The following VWA3B variants were observed in gnomAD, a reference collection of about 807,000 sequenced individuals.
The protein encoded by VWA3B is von Willebrand factor A domain containing 3B, also known as von Willebrand factor A domain-containing protein 3B.
Under a neutral mutation model 158.3 loss-of-function variants are expected in VWA3B, and 138 were observed. That is an observed-to-expected ratio of 0.87 (90% CI 0.76 to 1.00). VWA3B has a LOEUF of 1.00. VWA3B is among the 50% of genes least tolerant of loss of function. VWA3B has a pLI of 0.00. For missense variants in VWA3B, 1,555 were observed against 1,565.1 expected, an observed-to-expected ratio of 0.99 and a Z score of 0.11; for synonymous variants, 596 against 587.3, an observed-to-expected ratio of 1.01 and a Z score of -0.21.
intron 21 of VWA3B, among the ~76,000 whole-genome samples, chr2:98,256,956 G>A (rs892259343): frequency 6.6e-6 from 1 of 152,066 alleles, no homozygotes; most frequent in Non-Finnish European, 1.5e-5. Flanking sequence ...AACATTTCAA[G>A]TTGTCTCTTT....
At chr2:98,267,464 A>G (rs1359063901) in intron 21 of VWA3B, among the ~76,000 whole-genome samples, 3 of 152,168 alleles carry the variant, frequency 2.0e-5, no homozygotes, top group Non-Finnish European at 4.4e-5. Flanking sequence ...AAATGAAGGC[A>G]GAAATAAAGA....
At position 98,290,516 on chromosome 2, in the gene VWA3B, G is replaced by T; in HGVS notation, c.3051G>T (p.Gln1017His). The T allele has an allele frequency of 6.3e-7, 1 of 1,574,958 alleles. No individual in the cohort carries two copies. Among genetic ancestry groups the T allele is most frequent in the Non-Finnish European group, 8.6e-7 (1 of 1,168,738 alleles). ...TTCTGCTTTGTCTTTTTCAGCAACA[G>T]AAATTGCAAGGAAATCCAACAAAGA... ...NYANKAPGEQ[Q>H]KLQGNPTKKT... is the part of the protein sequence containing the mutation. The change falls in exon 23 of 28, where the codon CAG (glutamine) becomes CAT (histidine). Residue 1017 changes from glutamine to histidine, a missense_variant. By Grantham distance (24) the Gln-to-His change is conservative. Coordinates refer to ENST00000477737, the MANE Select transcript of VWA3B (RefSeq NM_144992.5).
At chr2:98,215,461 A>C (rs185542961) in intron 13 of VWA3B, among the ~76,000 whole-genome samples, 1 of 151,906 alleles carries the variant, frequency 6.6e-6, no homozygotes, top group African/African-American at 2.4e-5. Context: ...CAAAAAACAA[A>C]AAACAAAAAA....
chr2:98,255,182 ATTTTTTTTTTT>A lies in VWA3B; in HGVS notation c.2793-923_2793-913del, dbSNP rs769708577. Among the ~76,000 whole-genome samples the A allele has an allele frequency of 6.7e-4, 35 of 52,164 alleles. No homozygotes were observed. The East Asian group carries it at 0.02, about 30-fold the overall frequency. The allele number at this position is 52,164 out of a possible 152,430, so 34.2% of individuals were successfully genotyped here. ...TCGCCCGCCACCACGCCCGGCTGAT[ATTTTTTTTTTT>A]TTTTTTTTTTTTTTTTTTAGTACAG... is the stretch of plus-strand genomic sequence containing the variant. On this transcript the variant is annotated intron_variant, in intron 20 of 27. Transcript: ENST00000477737.
At chr2:98,302,097 C>G (rs901458883) in intron 25 of VWA3B, among the ~76,000 whole-genome samples, 1 of 152,134 alleles carries the variant, frequency 6.6e-6, no homozygotes, top group Non-Finnish European at 1.5e-5. Flanking sequence ...TGGCCCCAGC[C>G]GGCTCCATGA....
At chr2:98,310,049 G>A (rs1690792324) in intron 26 of VWA3B, among the ~76,000 whole-genome samples, 1 of 152,206 alleles carries the variant, frequency 6.6e-6, no homozygotes, top group Non-Finnish European at 1.5e-5. Context: ...AGGGCCAGCA[G>A]TAGCAATTCA....
chr2:98,237,297 C>G lies in VWA3B; in HGVS notation c.2673+567C>G, dbSNP rs9631037. Reference sequence around the variant, plus strand: ...GGGGCTGCAGAAATGATTGAAAACTCTAGGTCAGAGTCATGAGTGAACATC... The same window carrying G: ...GGGGCTGCAGAAATGATTGAAAACTGTAGGTCAGAGTCATGAGTGAACATC... On this transcript the variant is annotated intron_variant, in intron 19 of 27. Transcript: ENST00000477737. Among the ~76,000 whole-genome samples, 3 of 152,310 alleles carry G rather than the reference C, an allele frequency of 2.0e-5. No homozygotes were observed. In the East Asian group the frequency reaches 5.8e-4, roughly 29 times the overall value.
intron 2 of VWA3B, among the ~76,000 whole-genome samples, chr2:98,101,526 A>T (rs539910477): frequency 6.6e-6 from 1 of 152,346 alleles, no homozygotes; most frequent in East Asian, 1.9e-4. Flanking sequence ...ACAAATATTT[A>T]TTGAGCAACC....
intron 1 of VWA3B, among the ~76,000 whole-genome samples, chr2:98,088,708 G>GTAAA (rs992855950): frequency 9.9e-5 from 15 of 152,168 alleles, no homozygotes; most frequent in African/African-American, 1.9e-4. Context: ...CTGAATAATA[G>GTAAA]TAAATAAATA....
chr2:98,115,976 A>C (rs1674502595), intron 3 of VWA3B, among the ~76,000 whole-genome samples: 1 of 152,214 alleles, frequency 6.6e-6, no homozygotes, highest in African/African-American at 2.4e-5. Flanking sequence ...TGAGAGATGA[A>C]AACCTTTGCA....
intron 8 of VWA3B, chr2:98,179,212 T>G (rs1680261997): frequency 4.2e-6 from 2 of 471,076 alleles, no homozygotes; most frequent in Non-Finnish European, 8.8e-6. Context: ...CCCTCCTTTG[T>G]GTCCACCCCT....
intron 1 of VWA3B, among the ~76,000 whole-genome samples, chr2:98,091,916 C>A (rs957173680): frequency 2.6e-5 from 4 of 152,176 alleles, no homozygotes; most frequent in African/African-American, 9.7e-5. Flanking sequence ...TTGTGGTGAG[C>A]GGGTTAAGAT....
At position 98,290,566 on chromosome 2, in the gene VWA3B, C is replaced by CCCTCA; in HGVS notation, c.3102_3106dup (p.Lys1036ThrfsTer22). 6.3e-7 allele frequency: 1 copy of CCCTCA among 1,590,058 alleles called. No homozygotes were observed. The highest frequency in any genetic ancestry group is 8.5e-7 in the Non-Finnish European group (1 of 1,173,620). On this transcript the variant is annotated frameshift_variant, in exon 23 of 28. Coordinates refer to ENST00000477737, the MANE Select transcript of VWA3B (RefSeq NM_144992.5). LOFTEE classifies it high-confidence loss of function. Reference sequence around the variant, plus strand: ...AAAACCAAATCAAAAAGACCAGATCCCCTCAAAGGACAGAAGGTTATTGCA... The same window carrying CCCTCA: ...AAAACCAAATCAAAAAGACCAGATCCCCTCACCTCAAAGGACAGAAGGTTATTGCA...
intron 7 of VWA3B, among the ~76,000 whole-genome samples, chr2:98,142,882 C>T (rs765231902): frequency 6.6e-6 from 1 of 152,042 alleles, no homozygotes; most frequent in African/African-American, 2.4e-5. Flanking sequence ...GGAGAGCACT[C>T]GGAATGGAGC....
intron 7 of VWA3B, among the ~76,000 whole-genome samples, chr2:98,159,070 A>G (rs868707769): frequency 5.5e-4 from 84 of 152,304 alleles, no homozygotes; most frequent in African/African-American, 2.0e-3. Flanking sequence ...GGCAGCAGGT[A>G]TCCTGTGGAC....
At chr2:98,200,542 CAAAAAAAA>C (rs35030422) in intron 12 of VWA3B, among the ~76,000 whole-genome samples, 1 of 93,778 alleles carries the variant, frequency 1.1e-5, no homozygotes, top group African/African-American at 4.2e-5. Context: ...GACTCCATCT[CAAAAAAAA>C]AAAAAAAAAA....
intron 9 of VWA3B, among the ~76,000 whole-genome samples, chr2:98,186,534 T>C (rs931402867): frequency 7.2e-5 from 11 of 152,112 alleles, no homozygotes; most frequent in African/African-American, 2.7e-4. Flanking sequence ...ACCTTCCTCC[T>C]ATCAATTGAT....
intron 2 of VWA3B, among the ~76,000 whole-genome samples, chr2:98,114,437 A>G (rs2104929320): frequency 6.6e-6 from 1 of 152,234 alleles, no homozygotes; most frequent in East Asian, 1.9e-4. Context: ...TTTACTCTTT[A>G]CTATTGTGAA....
At chr2:98,175,116 GA>G (rs1679898468) in intron 8 of VWA3B, among the ~76,000 whole-genome samples, 1 of 152,058 alleles carries the variant, frequency 6.6e-6, no homozygotes, top group Non-Finnish European at 1.5e-5. Flanking sequence ...CAACAAAAAT[GA>G]GGCATGCAAA....
Sources: gnomAD v4.1 joint callset for allele counts (sites outside exome capture counted in the v4.1 genomes callset) on GRCh38, gnomAD v4.1.1 for gene constraint, MANE v1.5 for transcripts, NCBI Gene and HGNC (gene_info 2026-07-23, HGNC 2026-07-21) for gene names.